Variants in ANKFN1 observed in about 807,000 individuals in gnomAD.
ANKFN1 encodes the protein ankyrin repeat and fibronectin type III domain containing 1, also known as ankyrin repeat and fibronectin type-III domain-containing protein 1.
Under a neutral mutation model 108.7 loss-of-function variants are expected in ANKFN1, and 74 were observed. The ratio of observed to expected loss-of-function variants is 0.68; its 90% CI spans 0.56 to 0.83. ANKFN1 has a LOEUF of 0.83. Ranked by LOEUF, ANKFN1 falls within the 40% of genes least tolerant of loss-of-function variation. ANKFN1 has a pLI of 0.00. For missense variants in ANKFN1, 1,505 were observed against 1,382.3 expected (o/e 1.09, Z -1.41); for synonymous variants, 547 against 516.2 (o/e 1.06, Z -0.81).
chr17:56,233,031 A>C (rs1916852992), intron 3 of ANKFN1, among the ~76,000 whole-genome samples: 1 of 152,116 alleles, frequency 6.6e-6, no homozygotes, highest in South Asian at 2.1e-4. Context: ...AAAATATAGT[A>C]ATAAATTATT....
intron 4 of ANKFN1, among the ~76,000 whole-genome samples, chr17:56,120,518 C>T (rs78722929): frequency 0.012 from 1,786 of 152,232 alleles, 34 homozygotes; most frequent in African/African-American, 0.04. Context: ...TATGCCATGC[C>T]TAATGGAAGC....
At chr17:56,223,308 GC>G (rs1916015034) in intron 2 of ANKFN1, among the ~76,000 whole-genome samples, 1 of 152,110 alleles carries the variant, frequency 6.6e-6, no homozygotes, top group Non-Finnish European at 1.5e-5. Flanking sequence ...ATAAATCTGT[GC>G]AGTTCTGAGT....
intron 8 of ANKFN1, among the ~76,000 whole-genome samples, chr17:56,421,382 G>A (rs184233643): frequency 8.5e-4 from 130 of 152,174 alleles, no homozygotes; most frequent in African/African-American, 3.1e-3. Context: ...AAAGGGAGTC[G>A]GAGGGTCCCA....
intron 4 of ANKFN1, among the ~76,000 whole-genome samples, chr17:56,131,649 T>C (rs974945516): frequency 6.6e-6 from 1 of 152,204 alleles, no homozygotes; most frequent in Non-Finnish European, 1.5e-5. Context: ...TGGACACGGA[T>C]GTAGCAAGAA....
chr17:56,406,053 G>C (rs1431916222), intron 8 of ANKFN1, among the ~76,000 whole-genome samples: 3 of 152,042 alleles, frequency 2.0e-5, no homozygotes, highest in Non-Finnish European at 4.4e-5. Context: ...TAAAAATAAA[G>C]TTAATGAGAT....
chr17:56,246,767 A>G (rs1461252510), intron 3 of ANKFN1, among the ~76,000 whole-genome samples: 4 of 152,272 alleles, frequency 2.6e-5, no homozygotes, highest in East Asian at 3.9e-4. Context: ...TTCCTTTGAT[A>G]TATGTAATAC....
intron 3 of ANKFN1, among the ~76,000 whole-genome samples, chr17:56,323,869 C>T (rs543130837): frequency 6.6e-6 from 1 of 152,234 alleles, no homozygotes; most frequent in East Asian, 1.9e-4. Context: ...ATGACTGATG[C>T]TAAACAATGA....
At chr17:56,052,465 A>T (rs539462228) in intron 4 of ANKFN1, among the ~76,000 whole-genome samples, 1 of 152,178 alleles carries the variant, frequency 6.6e-6, no homozygotes, top group Non-Finnish European at 1.5e-5. Flanking sequence ...TCCACTAAGG[A>T]GAAGATAAGA....
At chr17:56,100,540 TATTA>T (rs1321793905) in intron 4 of ANKFN1, among the ~76,000 whole-genome samples, 2 of 152,206 alleles carry the variant, frequency 1.3e-5, no homozygotes, top group Admixed American at 6.5e-5. Context: ...TTTTATGACG[TATTA>T]ATTAAGTAGC....
chr17:56,098,269 G>T (rs1339712372), intron 4 of ANKFN1, among the ~76,000 whole-genome samples: 1 of 152,166 alleles, frequency 6.6e-6, no homozygotes, highest in Non-Finnish European at 1.5e-5. Context: ...AATTTCCATT[G>T]TTTCAAGACA....
At chr17:56,101,172 A>G (rs1051414809) in intron 4 of ANKFN1, among the ~76,000 whole-genome samples, 2 of 152,190 alleles carry the variant, frequency 1.3e-5, no homozygotes, top group Non-Finnish European at 2.9e-5. Flanking sequence ...TAGACTCTTC[A>G]GCCTGCAGAG....
intron 8 of ANKFN1, among the ~76,000 whole-genome samples, chr17:56,412,416 C>A (rs754838502): frequency 6.6e-6 from 1 of 152,036 alleles, no homozygotes; most frequent in Admixed American, 6.6e-5. Context: ...TGTTCCTGGG[C>A]GTGTCTGTGA....
At chr17:56,489,473 C>T (rs1182307082) in intron 18 of ANKFN1, among the ~76,000 whole-genome samples, 1 of 140,780 alleles carries the variant, frequency 7.1e-6, no homozygotes, top group Non-Finnish European at 1.5e-5. Flanking sequence ...AAAAAAACCA[C>T]AAGAGCGGGG....
intron 8 of ANKFN1, among the ~76,000 whole-genome samples, chr17:56,377,446 G>A (rs1401996996): frequency 9.6e-6 from 1 of 104,120 alleles, no homozygotes; most frequent in Non-Finnish European, 2.3e-5. Flanking sequence ...AGACCCACAT[G>A]ATTTTTTCTG....
At chr17:56,176,454 A>ACGGGAT (rs2143598812) in intron 1 of ANKFN1, among the ~76,000 whole-genome samples, 1 of 152,338 alleles carries the variant, frequency 6.6e-6, no homozygotes, top group East Asian at 1.9e-4. Context: ...TTGGGAATGC[A>ACGGGAT]CGGGATCGGA....
At chr17:56,391,817 A>C (rs1164953365) in intron 8 of ANKFN1, among the ~76,000 whole-genome samples, 1 of 152,044 alleles carries the variant, frequency 6.6e-6, no homozygotes, top group Admixed American at 6.6e-5. Flanking sequence ...TATCCCTCCC[A>C]CCAGGCTGTA....
At chr17:56,389,096 G>A (rs965711650) in intron 8 of ANKFN1, among the ~76,000 whole-genome samples, 4 of 151,274 alleles carry the variant, frequency 2.6e-5, no homozygotes, top group African/African-American at 9.7e-5. Flanking sequence ...TACTTTTATA[G>A]AGAAACTTGT....
intron 20 of ANKFN1, 120 bp downstream of exon 20, chr17:56,499,218 G>C (rs1433120025): frequency 2.1e-6 from 2 of 937,790 alleles, no homozygotes; most frequent in South Asian, 3.4e-5. Flanking sequence ...CACTGCTCAG[G>C]GGTAAGAGTC....
intron 4 of ANKFN1, among the ~76,000 whole-genome samples, chr17:56,058,261 C>A (rs913430990): frequency 1.3e-5 from 2 of 152,148 alleles, no homozygotes; most frequent in African/African-American, 4.8e-5. Flanking sequence ...TAGATGTTAC[C>A]TTCTTCCAAT....
Sources: allele counts gnomAD v4.1 joint callset (sites outside exome capture counted in the v4.1 genomes callset), GRCh38; gene constraint gnomAD v4.1.1; transcripts MANE v1.5; gene names NCBI Gene and HGNC (gene_info 2026-07-23, HGNC 2026-07-21).